Variants in ADORA2B observed in about 807,000 individuals in gnomAD.
ADORA2B encodes adenosine A2b receptor.
In ADORA2B, 18 loss-of-function variants were observed where a neutral mutation model predicts 20.8. The ratio of observed to expected loss-of-function variants is 0.87; its 90% CI spans 0.60 to 1.29. The LOEUF is 1.29. Ranked by LOEUF, ADORA2B falls within the 50% of genes most tolerant of loss-of-function variation. The pLI is 0.00. For missense variants in ADORA2B, 441 were observed against 422.7 expected (o/e 1.04, Z -0.38); for synonymous variants, 179 against 178.3 (o/e 1.00, Z -0.03).
chr17:15,958,304 C>T (rs1969995650), intron 1 of ADORA2B, among the ~76,000 whole-genome samples: 2 of 152,212 alleles, frequency 1.3e-5, no homozygotes, highest in Non-Finnish European at 2.9e-5. Flanking sequence ...AGGCGTGAGC[C>T]ACCACGCCCG....
chr17:15,874,537 T>A, the ADORA2B span, among the ~76,000 whole-genome samples: 31,715 of 149,174 alleles, frequency 0.21, 3,832 homozygotes, highest in Non-Finnish European at 0.28. Context: ...AAAAAAAAAA[T>A]AAATAATAAG....
chr17:15,954,315 A>T (rs573832792), intron 1 of ADORA2B, among the ~76,000 whole-genome samples: 3 of 152,254 alleles, frequency 2.0e-5, no homozygotes, highest in Non-Finnish European at 4.4e-5. Flanking sequence ...TTACTCAGAC[A>T]TTACTCAAAA....
chr17:15,956,590 CTTTTTTT>C, intron 1 of ADORA2B, among the ~76,000 whole-genome samples: 1 of 51,442 alleles, frequency 1.9e-5, no homozygotes, highest in East Asian at 6.6e-4. Context: ...TTATGTGTGT[CTTTTTTT>C]TTTTTTTTTT....
At chr17:15,851,212 AG>A in the ADORA2B span, among the ~76,000 whole-genome samples, 1 of 150,388 alleles carries the variant, frequency 6.6e-6, no homozygotes, top group African/African-American at 2.5e-5. Context: ...AGATCACTGT[AG>A]TTAAGCAGAA....
At chr17:15,918,697 C>T in the ADORA2B span, among the ~76,000 whole-genome samples, 1 of 152,230 alleles carries the variant, frequency 6.6e-6, no homozygotes, top group South Asian at 2.1e-4. Context: ...GTCTCAAACT[C>T]CTGACCTCGT....
the ADORA2B span, among the ~76,000 whole-genome samples, chr17:15,877,702 T>C: frequency 6.6e-6 from 1 of 152,170 alleles, no homozygotes; most frequent in African/African-American, 2.4e-5. Flanking sequence ...TTTTATACTC[T>C]GGTGTGCAGG....
the ADORA2B span, among the ~76,000 whole-genome samples, chr17:15,924,718 C>T: frequency 0.32 from 48,142 of 151,012 alleles, 9,966 homozygotes; most frequent in African/African-American, 0.6. Context: ...TAAGGCTGGG[C>T]GACAGAGCGA....
the ADORA2B span, among the ~76,000 whole-genome samples, chr17:15,882,318 GGCCCACATTGT>G: frequency 6.6e-6 from 1 of 152,122 alleles, no homozygotes; most frequent in Non-Finnish European, 1.5e-5. Context: ...GCAGGCTAAG[GGCCCACATTGT>G]GCCTCTTCTG....
At chr17:15,947,017 C>G (rs1243672858) in intron 1 of ADORA2B, among the ~76,000 whole-genome samples, 3 of 152,154 alleles carry the variant, frequency 2.0e-5, no homozygotes, top group African/African-American at 7.2e-5. Context: ...TTCGTGGGTC[C>G]CAGCAGGAAC....
intron 1 of ADORA2B, among the ~76,000 whole-genome samples, chr17:15,948,441 G>T (rs192666546): frequency 1.8e-5 from 2 of 108,384 alleles, no homozygotes; most frequent in Non-Finnish European, 4.0e-5. Context: ...GGGAGTGGGC[G>T]TGTAGCTCCT....
At chr17:15,855,741 A>G in the ADORA2B span, among the ~76,000 whole-genome samples, 1 of 152,298 alleles carries the variant, frequency 6.6e-6, no homozygotes, top group African/African-American at 2.4e-5. Context: ...CAGGTTTGTT[A>G]CAATGGGTAT....
chr17:15,941,397 A>G (rs1475005368), upstream of ADORA2B, among the ~76,000 whole-genome samples: 3 of 152,218 alleles, frequency 2.0e-5, no homozygotes, highest in Non-Finnish European at 4.4e-5. Context: ...CTCTGTTGCT[A>G]AGACCTGGGC....
At chr17:15,918,057 G>A in the ADORA2B span, among the ~76,000 whole-genome samples, 7 of 152,210 alleles carry the variant, frequency 4.6e-5, no homozygotes, top group African/African-American at 1.7e-4. Context: ...GCTATCTCGT[G>A]GTCCTGGGAG....
the ADORA2B span, among the ~76,000 whole-genome samples, chr17:15,905,100 G>A: frequency 6.6e-6 from 1 of 152,082 alleles, no homozygotes; most frequent in Admixed American, 6.5e-5. Context: ...GGATTGCATT[G>A]TATCTGTAAA....
the ADORA2B span, among the ~76,000 whole-genome samples, chr17:15,898,815 A>G: frequency 6.6e-6 from 1 of 152,354 alleles, no homozygotes; most frequent in African/African-American, 2.4e-5. Flanking sequence ...GACACACATG[A>G]TAAGTAATCT....
chr17:15,901,207 TG>T, the ADORA2B span, among the ~76,000 whole-genome samples: 1 of 152,156 alleles, frequency 6.6e-6, no homozygotes, highest in Non-Finnish European at 1.5e-5. Context: ...GGCTCACACC[TG>T]TAATCCCAGC....
chr17:15,958,354 T>C (rs1254895636), intron 1 of ADORA2B, among the ~76,000 whole-genome samples: 1 of 152,212 alleles, frequency 6.6e-6, no homozygotes, highest in Admixed American at 6.5e-5. Context: ...CATTCACTTC[T>C]CTTAGGCCCC....
chr17:15,863,930 G>T, the ADORA2B span: 1 of 152,220 alleles, frequency 6.6e-6, no homozygotes, highest in South Asian at 2.1e-4. Flanking sequence ...TAATGTGGTT[G>T]TTTCTTCAGA....
At chr17:15,858,981 A>G in the ADORA2B span, among the ~76,000 whole-genome samples, 3 of 152,168 alleles carry the variant, frequency 2.0e-5, no homozygotes, top group Non-Finnish European at 4.4e-5. Context: ...CTAGGGAGAC[A>G]GAAACTTTGT....
Sources: gnomAD v4.1 joint callset for allele counts (sites outside exome capture counted in the v4.1 genomes callset) on GRCh38, gnomAD v4.1.1 for gene constraint, MANE v1.5 for transcripts, NCBI Gene and HGNC (gene_info 2026-07-23, HGNC 2026-07-21) for gene names.